Variants in CNTLN observed in about 807,000 individuals in gnomAD.
CNTLN encodes the protein centlein, also known as centlein, centrosomal protein.
A neutral mutation model predicts 180.0 loss-of-function variants in CNTLN; 212 were observed. That is an observed-to-expected ratio of 1.18 (90% CI 1.05 to 1.32). CNTLN has a LOEUF of 1.32. Ranked by LOEUF, CNTLN falls within the 40% of genes most tolerant of loss-of-function variation. CNTLN has a pLI of 0.00. For synonymous variants in CNTLN, 722 were observed against 563.1 expected (o/e 1.28, Z -3.99); for missense variants, 2,095 against 1,610.9 (o/e 1.30, Z -5.14).
chr9:17,297,994 G>T (rs1818067907), intron 6 of CNTLN, among the ~76,000 whole-genome samples, 196 bp from the exon 7 acceptor site: 1 of 152,132 alleles, frequency 6.6e-6, no homozygotes, highest in African/African-American at 2.4e-5. Context: ...GAAAGTCATA[G>T]TCGTTGTATC....
intron 18 of CNTLN, among the ~76,000 whole-genome samples, chr9:17,450,529 CAG>C (rs1254141589): frequency 2.6e-5 from 4 of 152,146 alleles, no homozygotes; most frequent in African/African-American, 9.6e-5. Flanking sequence ...TCTGCACTGA[CAG>C]AGTGTAAGGG....
chr9:17,416,837 T>A (rs1306283298), intron 18 of CNTLN, among the ~76,000 whole-genome samples: 1 of 152,178 alleles, frequency 6.6e-6, no homozygotes, highest in East Asian at 1.9e-4. Flanking sequence ...GCTATTTGCT[T>A]GTGTAATGAA....
intron 9 of CNTLN, 132 bp downstream of exon 9, chr9:17,330,940 C>T (rs932604951): frequency 2.3e-5 from 17 of 737,118 alleles, no homozygotes; most frequent in East Asian, 5.9e-5. Context: ...TATTATGTAC[C>T]GAACTCTTGT....
intron 8 of CNTLN, among the ~76,000 whole-genome samples, chr9:17,316,262 CTT>C (rs1014700637): frequency 6.6e-6 from 1 of 151,924 alleles, no homozygotes; most frequent in African/African-American, 2.4e-5. Flanking sequence ...CCACAGCTTC[CTT>C]TTGGTAACTG....
At chr9:17,289,813 C>T (rs985513885) in intron 6 of CNTLN, among the ~76,000 whole-genome samples, 3 of 141,604 alleles carry the variant, frequency 2.1e-5, no homozygotes, top group African/African-American at 8.5e-5. Context: ...GCTCCTGAGG[C>T]TTCTGCATTG....
intron 13 of CNTLN, among the ~76,000 whole-genome samples, chr9:17,370,780 A>G (rs13285577): frequency 0.23 from 34,806 of 151,988 alleles, 4,246 homozygotes; most frequent in South Asian, 0.34. Flanking sequence ...TAAACAACAA[A>G]AAGTTAAAAA....
intron 19 of CNTLN, among the ~76,000 whole-genome samples, chr9:17,458,372 C>T (rs1245638616): frequency 6.6e-6 from 1 of 151,894 alleles, no homozygotes; most frequent in Non-Finnish European, 1.5e-5. Context: ...GCTTCTTAAG[C>T]CCATTTATTC....
chr9:17,249,542 T>C (rs12236820), intron 5 of CNTLN, among the ~76,000 whole-genome samples: 1 of 151,312 alleles, frequency 6.6e-6, no homozygotes, highest in Non-Finnish European at 1.5e-5. Flanking sequence ...GTAGAGACAG[T>C]GTTTCACCAT....
At chr9:17,418,279 G>C (rs1828421320) in intron 18 of CNTLN, among the ~76,000 whole-genome samples, 1 of 151,960 alleles carries the variant, frequency 6.6e-6, no homozygotes, top group African/African-American at 2.4e-5. Flanking sequence ...ACTAGAATTA[G>C]ATTTAATTTG....
Position 17,273,583 on chromosome 9 carries a change from G to A in CNTLN, c.850-150G>A, listed in dbSNP as rs571525122. ...GAAAAAATCTGTGACTGGTATAAAA[G>A]TTATTGTTTGTGTTAAAATTATTTT... On this transcript the variant is annotated intron_variant, in intron 5 of 25. Coordinates refer to ENST00000380647, the MANE Select transcript of CNTLN (RefSeq NM_017738.4). The A allele has an allele frequency of 1.4e-5, 6 of 443,682 alleles. No homozygotes were observed. The South Asian group carries it at 3.2e-4, about 23-fold the overall frequency. 27.5% of individuals were successfully genotyped at this position (443,682 alleles called of 1,614,324 possible). A position where few individuals can be genotyped will look rare whatever the true frequency, so the allele number is the denominator to read the frequency against.
chr9:17,185,975 T>A (rs1007892224), intron 2 of CNTLN, among the ~76,000 whole-genome samples: 27 of 152,114 alleles, frequency 1.8e-4, no homozygotes, highest in Non-Finnish European at 3.2e-4. Flanking sequence ...AAATTTTTTG[T>A]AGAGGCAGGT....
chr9:17,420,334 T>A (rs966069181), intron 18 of CNTLN, among the ~76,000 whole-genome samples: 12 of 152,316 alleles, frequency 7.9e-5, no homozygotes, highest in Admixed American at 5.2e-4. Flanking sequence ...TGTTCTAGAT[T>A]TTCCAGATTA....
chr9:17,430,171 T>C (rs574824725), intron 18 of CNTLN, among the ~76,000 whole-genome samples: 4 of 152,048 alleles, frequency 2.6e-5, no homozygotes, highest in Admixed American at 2.0e-4. Context: ...AAATAAATGA[T>C]CTCATCAGGT....
rs114014932 is a variant in CNTLN, at chr9:17,314,946, A to G, written c.1341+5694A>G. On this transcript the variant is annotated intron_variant, in intron 8 of 25. Coordinates refer to ENST00000380647, the MANE Select transcript of CNTLN (RefSeq NM_017738.4). ...TTTTCTATACAATGCAGTGAACTTA[A>G]TAGACTATAACTTGTTGATCTTATC... is the stretch of plus-strand genomic sequence containing the variant. Among the ~76,000 whole-genome samples the G allele has an allele frequency of 9.8e-3, 1,492 of 152,324 alleles. 25 individuals carry two copies. The highest frequency in any genetic ancestry group is 0.033 in the African/African-American group (1,369 of 41,564).
At position 17,409,193 on chromosome 9, in the gene CNTLN, A is replaced by G. The variant is rs62559023; in HGVS notation, c.2616-100A>G. ...GCCCACGTTAAACTTGCAGTTTTATATACAATCTATGCTAAAATATTATTT... is the reference window on the plus strand; with the variant it reads ...GCCCACGTTAAACTTGCAGTTTTATGTACAATCTATGCTAAAATATTATTT... On this transcript the variant is annotated intron_variant, in intron 15 of 25. Coordinates refer to ENST00000380647, the MANE Select transcript of CNTLN (RefSeq NM_017738.4). 4.0e-3 allele frequency: 4,399 copies of G among 1,109,034 alleles called. 18 individuals carry two copies. The highest frequency in any genetic ancestry group is 5.4e-3 in the Middle Eastern group (21 of 3,908). The allele number at this position is 1,109,034 out of a possible 1,614,324, so 68.7% of individuals were successfully genotyped here.
chr9:17,488,297 A>G (rs1322841523), intron 25 of CNTLN, among the ~76,000 whole-genome samples: 1 of 151,674 alleles, frequency 6.6e-6, no homozygotes, highest in Admixed American at 6.6e-5. Context: ...CAGGTGCTAG[A>G]CAAAGCCTTT....
chr9:17,506,005 G>C (rs538494389), downstream of CNTLN, among the ~76,000 whole-genome samples: 15 of 151,686 alleles, frequency 9.9e-5, no homozygotes, highest in East Asian at 2.7e-3. Flanking sequence ...TTGAGACAAA[G>C]GTTCAAAAGC....
chr9:17,140,168 T>G (rs959249218), intron 1 of CNTLN, among the ~76,000 whole-genome samples: 1 of 152,190 alleles, frequency 6.6e-6, no homozygotes, highest in African/African-American at 2.4e-5. Flanking sequence ...ATATGAAAGT[T>G]TTTTTAGTAA....
intron 12 of CNTLN, among the ~76,000 whole-genome samples, chr9:17,349,569 C>T (rs965888932): frequency 6.6e-6 from 1 of 152,108 alleles, no homozygotes; most frequent in South Asian, 2.1e-4. Flanking sequence ...AATGCTACCA[C>T]TGACTGAAAT....
Sources: gnomAD v4.1 joint callset for allele counts (sites outside exome capture counted in the v4.1 genomes callset) on GRCh38, gnomAD v4.1.1 for gene constraint, MANE v1.5 for transcripts, NCBI Gene and HGNC (gene_info 2026-07-23, HGNC 2026-07-21) for gene names.